Variants in SMYD3 observed in about 807,000 individuals in gnomAD.
SMYD3 encodes the protein histone-lysine N-methyltransferase SMYD3.
In SMYD3, 36 loss-of-function variants were observed where a neutral mutation model predicts 57.7. The ratio of observed to expected loss-of-function variants is 0.62; its 90% CI spans 0.48 to 0.82. The LOEUF (loss-of-function observed/expected upper bound fraction) is 0.82, where lower values mean the gene tolerates loss of function less well. Among genes scored for constraint, SMYD3 ranks in the 40% least tolerant of loss-of-function variants. The pLI is 0.00. For missense variants in SMYD3, 515 were observed against 538.8 expected (o/e 0.96, Z 0.44); for synonymous variants, 211 against 195.0 (o/e 1.08, Z -0.68).
At chr1:246,360,801 A>G (rs1051596148) in intron 1 of SMYD3, among the ~76,000 whole-genome samples, 2 of 152,358 alleles carry the variant, frequency 1.3e-5, no homozygotes, top group African/African-American at 4.8e-5. Flanking sequence ...AATCAACTCA[A>G]GATGAATCAA....
Position 246,499,046 on chromosome 1 carries a change from C to T in SMYD3, c.164+8008G>A, listed in dbSNP as rs998647812. Among the ~76,000 whole-genome samples, 63 of 152,058 alleles carry T rather than the reference C, an allele frequency of 4.1e-4. 1 individual carries two copies. The highest frequency in any genetic ancestry group is 3.9e-4 in the East Asian group (2 of 5,150). Reference sequence around the variant, plus strand: ...CTGGCCTCAAATGATCCTCCCACCTCGTCCTAACAAAGCACTGGGATTACA... The same window carrying T: ...CTGGCCTCAAATGATCCTCCCACCTTGTCCTAACAAAGCACTGGGATTACA... On this transcript the variant is annotated intron_variant, in intron 1 of 11. Transcript: ENST00000490107.
intron 5 of SMYD3, among the ~76,000 whole-genome samples, chr1:246,025,562 A>G (rs931998123): frequency 6.6e-6 from 1 of 152,138 alleles, no homozygotes; most frequent in Non-Finnish European, 1.5e-5. Flanking sequence ...ACCTCAGAAA[A>G]AGCTGCGTCC....
At chr1:246,086,182 G>A (rs1018607464) in intron 5 of SMYD3, among the ~76,000 whole-genome samples, 1 of 151,968 alleles carries the variant, frequency 6.6e-6, no homozygotes, top group African/African-American at 2.4e-5. Flanking sequence ...CCCCACCACA[G>A]CATACCTTTC....
chr1:246,503,806 T>C (rs10802419), intron 1 of SMYD3, among the ~76,000 whole-genome samples: 95,070 of 151,580 alleles, frequency 0.63, 31,245 homozygotes, highest in Admixed American at 0.72. Context: ...CTACTAAAAA[T>C]ACAAAAATTA....
intron 8 of SMYD3, among the ~76,000 whole-genome samples, chr1:245,884,576 T>C (rs2052977067): frequency 6.6e-6 from 1 of 152,066 alleles, no homozygotes; most frequent in Non-Finnish European, 1.5e-5. Context: ...TATGCAGGTA[T>C]CTATCTGGGA....
In SMYD3 at chr1:246,246,912, C is replaced by T. The variant is rs185380679; in HGVS notation, c.531+80289G>A. On this transcript the variant is annotated intron_variant, in intron 5 of 11. Transcript: ENST00000490107. ...TTACAGTCTCACATAGGGATGAATT[C>T]GATTATTCAGATAATTAAAATGTTT... is the stretch of plus-strand genomic sequence containing the variant. 6.8e-3 allele frequency among the ~76,000 whole-genome samples: 1,029 copies of T among 151,362 alleles called. 15 individuals are homozygous for T. The highest frequency in any genetic ancestry group is 0.023 in the African/African-American group (935 of 41,236).
intron 5 of SMYD3, among the ~76,000 whole-genome samples, chr1:246,182,981 T>C (rs2062578072): frequency 6.6e-6 from 1 of 152,182 alleles, no homozygotes; most frequent in South Asian, 2.1e-4. Flanking sequence ...AGTTAGCACA[T>C]TGCTAAATTT....
At chr1:246,029,673 GAAAA>G (rs34698516) in intron 5 of SMYD3, among the ~76,000 whole-genome samples, 11,035 of 88,116 alleles carry the variant, frequency 0.13, 1,069 homozygotes, top group African/African-American at 0.32. Context: ...CTCTGTCTCA[GAAAA>G]AAAAAAAAAA....
chr1:245,867,430 C>T (rs1399973375), intron 8 of SMYD3, among the ~76,000 whole-genome samples: 4 of 152,222 alleles, frequency 2.6e-5, no homozygotes, highest in Admixed American at 6.5e-5. Flanking sequence ...CCCTAACATA[C>T]CTTCTGCTCC....
chr1:246,438,915 G>A (rs1407562751), intron 1 of SMYD3, among the ~76,000 whole-genome samples: 1 of 151,742 alleles, frequency 6.6e-6, no homozygotes, highest in Non-Finnish European at 1.5e-5. Flanking sequence ...TCTGACAGGA[G>A]ACAGGGCTCA....
At chr1:246,373,672 C>T (rs2066224663) in intron 1 of SMYD3, among the ~76,000 whole-genome samples, 1 of 152,144 alleles carries the variant, frequency 6.6e-6, no homozygotes, top group Admixed American at 6.5e-5. Context: ...CCATATGGAA[C>T]TTGGGTTGCT....
chr1:246,067,867 A>T (rs749583632), intron 5 of SMYD3, among the ~76,000 whole-genome samples: 1 of 152,146 alleles, frequency 6.6e-6, no homozygotes, highest in Non-Finnish European at 1.5e-5. Context: ...CGTCAGCATC[A>T]TGTGGCAGGA....
intron 5 of SMYD3, among the ~76,000 whole-genome samples, chr1:246,195,462 G>A (rs1322549907): frequency 6.6e-6 from 1 of 152,126 alleles, no homozygotes; most frequent in Non-Finnish European, 1.5e-5. Flanking sequence ...CTACTCCAGT[G>A]ACCTACAAGG....
chr1:245,810,512 A>C (rs1558369130), intron 10 of SMYD3, among the ~76,000 whole-genome samples: 1 of 151,946 alleles, frequency 6.6e-6, no homozygotes, highest in Non-Finnish European at 1.5e-5. Flanking sequence ...GACAGCACCT[A>C]CTCTGTTATT....
chr1:246,083,797 T>G (rs2060682421), intron 5 of SMYD3, among the ~76,000 whole-genome samples: 1 of 152,144 alleles, frequency 6.6e-6, no homozygotes. Flanking sequence ...TAAGGGGGAT[T>G]CTGGTCCAAA....
At chr1:245,858,177 C>T (rs563186658) in intron 10 of SMYD3, among the ~76,000 whole-genome samples, 3 of 152,302 alleles carry the variant, frequency 2.0e-5, no homozygotes, top group East Asian at 3.9e-4. Context: ...TACAGCTCCC[C>T]CACCACCCTG....
At chr1:246,444,096 C>T (rs2067512629) in intron 1 of SMYD3, among the ~76,000 whole-genome samples, 1 of 151,018 alleles carries the variant, frequency 6.6e-6, no homozygotes, top group Non-Finnish European at 1.5e-5. Context: ...CATCACTTTG[C>T]TATCTTCAAA....
At chr1:246,019,638 T>G (rs2059435102) in intron 5 of SMYD3, among the ~76,000 whole-genome samples, 1 of 152,222 alleles carries the variant, frequency 6.6e-6, no homozygotes, top group South Asian at 2.1e-4. Context: ...GTGTTTGTCA[T>G]GTGGTCAAGA....
At chr1:246,000,784 G>C (rs1012104969) in intron 5 of SMYD3, among the ~76,000 whole-genome samples, 1 of 152,212 alleles carries the variant, frequency 6.6e-6, no homozygotes, top group African/African-American at 2.4e-5. Context: ...ACCTTGTCAA[G>C]TAAACTGTAA....
Sources: gnomAD v4.1 joint callset for allele counts (sites outside exome capture counted in the v4.1 genomes callset) on GRCh38, gnomAD v4.1.1 for gene constraint, MANE v1.5 for transcripts, NCBI Gene and HGNC (gene_info 2026-07-23, HGNC 2026-07-21) for gene names.